The following ZDHHC21 variants were observed in gnomAD, a reference collection of about 807,000 sequenced individuals.
The protein encoded by ZDHHC21 is zDHHC palmitoyltransferase 21, also known as palmitoyltransferase ZDHHC21.
In ZDHHC21, 15 loss-of-function variants were observed where a neutral mutation model predicts 34.6. The ratio of observed to expected loss-of-function variants is 0.43; its 90% confidence interval spans 0.29 to 0.67. The LOEUF (loss-of-function observed/expected upper bound fraction) is 0.67. ZDHHC21 is among the 30% of genes least tolerant of loss of function. ZDHHC21 has a pLI of 0.14. For missense variants in ZDHHC21, 344 were observed against 327.7 expected, an observed-to-expected ratio of 1.05 and a Z score of -0.38; for synonymous variants, 142 against 101.8, an observed-to-expected ratio of 1.40 and a Z score of -2.38.
intron 7 of ZDHHC21, among the ~76,000 whole-genome samples, chr9:14,656,825 T>C (rs1437763350): frequency 1.3e-5 from 2 of 152,134 alleles, no homozygotes; most frequent in African/African-American, 4.8e-5. Context: ...AAAAATCACC[T>C]GCTTGCATCT....
intron 5 of ZDHHC21, among the ~76,000 whole-genome samples, chr9:14,666,057 T>C (rs989775618): frequency 1.3e-4 from 20 of 150,148 alleles, no homozygotes; most frequent in African/African-American, 4.4e-4. Flanking sequence ...GACTGGCAAA[T>C]TGGATAAAGA....
the ZDHHC21 span, among the ~76,000 whole-genome samples, chr9:14,590,270 G>C: frequency 6.6e-6 from 1 of 152,006 alleles, no homozygotes; most frequent in African/African-American, 2.4e-5. Flanking sequence ...AAAAGCCTTG[G>C]AAAATATGAA....
chr9:14,669,927 T>C (rs201730319), intron 5 of ZDHHC21, among the ~76,000 whole-genome samples: 5 of 147,774 alleles, frequency 3.4e-5, no homozygotes, highest in Non-Finnish European at 6.0e-5. Flanking sequence ...GTGGGTGCAG[T>C]GCACCAGCAT....
At chr9:14,643,253 A>AAT (rs930369174) in intron 7 of ZDHHC21, among the ~76,000 whole-genome samples, 25 of 151,850 alleles carry the variant, frequency 1.6e-4, no homozygotes, top group African/African-American at 6.0e-4. Context: ...GTCTCAAAAA[A>AAT]ATATATATAT....
intron 8 of ZDHHC21, among the ~76,000 whole-genome samples, chr9:14,623,890 G>C (rs928740851): frequency 1.1e-4 from 16 of 151,950 alleles, no homozygotes; most frequent in Non-Finnish European, 2.2e-4. Context: ...ACACAGTCTG[G>C]GGAAGAACCT....
At chr9:14,653,388 A>AT (rs777901799) in intron 7 of ZDHHC21, among the ~76,000 whole-genome samples, 2 of 151,856 alleles carry the variant, frequency 1.3e-5, no homozygotes, top group East Asian at 3.9e-4. Flanking sequence ...ATTATTGGTA[A>AT]TTTTTTTCTA....
At chr9:14,638,542 C>T (rs1254375758) in intron 8 of ZDHHC21, among the ~76,000 whole-genome samples, 1 of 151,674 alleles carries the variant, frequency 6.6e-6, no homozygotes, top group Non-Finnish European at 1.5e-5. Context: ...ACAAATGGGA[C>T]TCTATTAAAT....
At chr9:14,637,785 T>A (rs1022287052) in intron 8 of ZDHHC21, among the ~76,000 whole-genome samples, 1 of 151,856 alleles carries the variant, frequency 6.6e-6, no homozygotes, top group Non-Finnish European at 1.5e-5. Context: ...CCATTTACAA[T>A]AGCTCCAACA....
intron 2 of ZDHHC21, among the ~76,000 whole-genome samples, chr9:14,685,357 G>A (rs1302306761): frequency 6.6e-6 from 1 of 151,212 alleles, no homozygotes; most frequent in Non-Finnish European, 1.5e-5. Flanking sequence ...AAATTTACAA[G>A]AAAAAAACAA....
the ZDHHC21 span, among the ~76,000 whole-genome samples, chr9:14,604,216 G>A: frequency 2.0e-5 from 3 of 152,116 alleles, no homozygotes; most frequent in African/African-American, 7.2e-5. Context: ...AGTTGAAGAT[G>A]CACATACCTT....
chr9:14,636,902 G>A (rs572214342), intron 8 of ZDHHC21, among the ~76,000 whole-genome samples: 2 of 152,084 alleles, frequency 1.3e-5, no homozygotes, highest in Admixed American at 6.6e-5. Context: ...TACAACAAAA[G>A]CAGTGCTAGG....
At chr9:14,684,468 T>C (rs2131640792) in intron 2 of ZDHHC21, among the ~76,000 whole-genome samples, 2 of 145,458 alleles carry the variant, frequency 1.4e-5, no homozygotes, top group East Asian at 3.9e-4. Context: ...TCAAAGAGAA[T>C]AAAATACCTA....
intron 2 of ZDHHC21, among the ~76,000 whole-genome samples, chr9:14,685,758 T>C (rs1194167958): frequency 1.3e-5 from 2 of 152,200 alleles, no homozygotes; most frequent in Non-Finnish European, 2.9e-5. Context: ...TGCGCACGTA[T>C]GTGTATTGCA....
At chr9:14,663,726 T>C (rs1443209877) in intron 5 of ZDHHC21, among the ~76,000 whole-genome samples, 1 of 152,142 alleles carries the variant, frequency 6.6e-6, no homozygotes, top group African/African-American at 2.4e-5. Flanking sequence ...TCCAATAATA[T>C]GAAAGTTGAG....
chr9:14,649,890 A>AC (rs1830920203), intron 7 of ZDHHC21, among the ~76,000 whole-genome samples: 1 of 152,108 alleles, frequency 6.6e-6, no homozygotes, highest in African/African-American at 2.4e-5. Flanking sequence ...TACATTCACC[A>AC]ATTAATGCAG....
chr9:14,680,563 T>A (rs1181276534), intron 2 of ZDHHC21, among the ~76,000 whole-genome samples: 2 of 151,986 alleles, frequency 1.3e-5, no homozygotes, highest in Non-Finnish European at 2.9e-5. Flanking sequence ...TTAAAATGCT[T>A]TAAGAAAGTT....
chr9:14,640,068 G>C, intron 7 of ZDHHC21, 56 bp from the exon 8 acceptor site: 1 of 906,556 alleles, frequency 1.1e-6, no homozygotes, highest in Non-Finnish European at 1.7e-6. Context: ...ATTGCTTACA[G>C]TCGCAATAAT....
At chr9:14,635,924 G>A (rs1032840130) in intron 8 of ZDHHC21, among the ~76,000 whole-genome samples, 3 of 151,918 alleles carry the variant, frequency 2.0e-5, no homozygotes, top group African/African-American at 7.3e-5. Flanking sequence ...TAAGGAAGAG[G>A]AAGAACTCTA....
intron 7 of ZDHHC21, among the ~76,000 whole-genome samples, chr9:14,649,921 G>C (rs182873242): frequency 7.1e-4 from 108 of 152,156 alleles, no homozygotes; most frequent in Middle Eastern, 6.8e-3. Flanking sequence ...TTTGGTAAAA[G>C]TAAAAGAAGA....
Sources: allele counts gnomAD v4.1 joint callset (sites outside exome capture counted in the v4.1 genomes callset), GRCh38; gene constraint gnomAD v4.1.1; transcripts MANE v1.5; gene names NCBI Gene and HGNC (gene_info 2026-07-23, HGNC 2026-07-21).